GABRA3: variants seen among roughly 807,000 people sequenced by gnomAD.
GABRA3 encodes gamma-aminobutyric acid type A receptor subunit alpha3, also known as gamma-aminobutyric acid receptor subunit alpha-3.
A neutral mutation model predicts 30.1 loss-of-function variants in GABRA3; 10 were observed. The ratio of observed to expected loss-of-function variants is 0.33; its 90% CI spans 0.20 to 0.56. The LOEUF (loss-of-function observed/expected upper bound fraction) is 0.56. Ranked by LOEUF, GABRA3 falls within the 20% of genes least tolerant of loss-of-function variation. The probability of loss-of-function intolerance (pLI) is 0.89; values close to 1 mark genes in which losing one functional copy is unlikely to be tolerated. For missense variants in GABRA3, 233 were observed against 392.0 expected, an observed-to-expected ratio of 0.59 and a Z score of 3.42; for synonymous variants, 151 against 146.8, an observed-to-expected ratio of 1.03 and a Z score of -0.21.
chrX:152,304,548 T>C (rs1237238623), intron 3 of GABRA3, among the ~76,000 whole-genome samples: 2 of 112,094 alleles, frequency 1.8e-5, no homozygotes, highest in African/African-American at 3.2e-5. Context: ...ATTTATTGAA[T>C]AGGGTGTCCT....
chrX:152,254,631 T>C (rs776908404), intron 5 of GABRA3, among the ~76,000 whole-genome samples: 164 of 111,618 alleles, frequency 1.5e-3, no homozygotes, highest in African/African-American at 5.1e-3. Context: ...CCTTTTTTCC[T>C]TGACCATCTC....
chrX:152,438,595 G>A (rs1930837339), intron 1 of GABRA3, among the ~76,000 whole-genome samples: 1 of 112,014 alleles, frequency 8.9e-6, no homozygotes, highest in African/African-American at 3.2e-5. Context: ...AACAAACTGT[G>A]GTACAGCCTA....
chrX:152,191,241 T>C (rs1196414214), intron 8 of GABRA3, among the ~76,000 whole-genome samples: 1 of 110,829 alleles, frequency 9.0e-6, no homozygotes, highest in Non-Finnish European at 1.9e-5. Flanking sequence ...GTATAATCAA[T>C]GTTAACAACA....
chrX:152,235,556 C>T (rs191305816), intron 5 of GABRA3, among the ~76,000 whole-genome samples: 34 of 94,097 alleles, frequency 3.6e-4, no homozygotes, highest in African/African-American at 1.2e-3. Context: ...ACAGAATCAA[C>T]GGGAAAAATT....
chrX:152,193,065 G>A (rs1362862363), intron 8 of GABRA3, among the ~76,000 whole-genome samples: 3 of 111,308 alleles, frequency 2.7e-5, no homozygotes, highest in Admixed American at 9.6e-5. Flanking sequence ...GACCATTACC[G>A]GATCACAGTG....
At chrX:152,353,715 G>A (rs1329334655) in intron 2 of GABRA3, among the ~76,000 whole-genome samples, 1 of 111,640 alleles carries the variant, frequency 9.0e-6, no homozygotes, top group Non-Finnish European at 1.9e-5. Flanking sequence ...GCAATGAGCT[G>A]GCCATCAGCT....
chrX:152,393,700 A>G (rs1929561232), intron 1 of GABRA3, among the ~76,000 whole-genome samples: 1 of 111,962 alleles, frequency 8.9e-6, no homozygotes, highest in African/African-American at 3.2e-5. Context: ...ATGGTGCATG[A>G]GCAACTAACA....
chrX:152,308,795 G>T (rs1939757409), intron 3 of GABRA3, among the ~76,000 whole-genome samples: 1 of 112,047 alleles, frequency 8.9e-6, no homozygotes, highest in South Asian at 3.7e-4. Flanking sequence ...TTCCTAACCA[G>T]GCTGAAATGG....
At chrX:152,397,194 A>G (rs1398962741) in intron 1 of GABRA3, among the ~76,000 whole-genome samples, 1 of 111,872 alleles carries the variant, frequency 8.9e-6, no homozygotes, top group Non-Finnish European at 1.9e-5. Flanking sequence ...TGGCTTCTAT[A>G]AGAGACGGCT....
At chrX:152,329,895 T>C (rs978682905) in intron 3 of GABRA3, among the ~76,000 whole-genome samples, 2 of 111,480 alleles carry the variant, frequency 1.8e-5, no homozygotes, top group Non-Finnish European at 3.8e-5. Context: ...GTAACTACCA[T>C]CAGAGTGAAC....
At chrX:152,196,670 G>A (rs1409328794) in intron 8 of GABRA3, among the ~76,000 whole-genome samples, 1 of 111,562 alleles carries the variant, frequency 9.0e-6, no homozygotes, top group Non-Finnish European at 1.9e-5. Flanking sequence ...GACAGTTTCT[G>A]TCTGCATCTC....
intron 4 of GABRA3, among the ~76,000 whole-genome samples, chrX:152,265,975 T>C (rs1308963228): frequency 9.0e-6 from 1 of 111,054 alleles, no homozygotes; most frequent in Non-Finnish European, 1.9e-5. Flanking sequence ...ACAGGTAATG[T>C]GATCAAAGCC....
intron 3 of GABRA3, among the ~76,000 whole-genome samples, chrX:152,287,037 T>C (rs1175819689): frequency 9.0e-6 from 1 of 111,572 alleles, no homozygotes; most frequent in Middle Eastern, 4.3e-3. Context: ...AGCAAATGCC[T>C]ATATACCTAC....
chrX:152,291,979 T>C (rs936535057), intron 3 of GABRA3, among the ~76,000 whole-genome samples: 1 of 111,556 alleles, frequency 9.0e-6, no homozygotes, highest in African/African-American at 3.3e-5. Flanking sequence ...AAAATTCTCT[T>C]TTTTTTGTTG....
chrX:152,337,925 T>C (rs1056206487), intron 3 of GABRA3, among the ~76,000 whole-genome samples: 1 of 112,681 alleles, frequency 8.9e-6, no homozygotes, highest in African/African-American at 3.2e-5. Flanking sequence ...ATTTTCTTTA[T>C]CCATTCATCT....
chrX:152,385,766 C>T (rs1313906509), intron 1 of GABRA3, among the ~76,000 whole-genome samples: 4 of 110,486 alleles, frequency 3.6e-5, no homozygotes, highest in Non-Finnish European at 5.7e-5. Flanking sequence ...AATTAATTTT[C>T]GTATAAGGTG....
At chrX:152,184,844 G>A (rs1937232553) in intron 9 of GABRA3, among the ~76,000 whole-genome samples, 1 of 111,189 alleles carries the variant, frequency 9.0e-6, no homozygotes, top group African/African-American at 3.3e-5. Context: ...AAAAACATGT[G>A]GTTGATCATC....
intron 1 of GABRA3, among the ~76,000 whole-genome samples, chrX:152,418,749 T>C (rs1040528646): frequency 8.9e-6 from 1 of 111,855 alleles, no homozygotes; most frequent in Non-Finnish European, 1.9e-5. Context: ...CTCAGGGATC[T>C]AGAGCTAGAA....
intron 5 of GABRA3, among the ~76,000 whole-genome samples, chrX:152,246,661 A>G (rs771718283): frequency 9.0e-6 from 1 of 111,547 alleles, no homozygotes; most frequent in Non-Finnish European, 1.9e-5. Flanking sequence ...TTTGGGATTG[A>G]CTGAGGACTT....
Sources: gnomAD v4.1 joint callset for allele counts (sites outside exome capture counted in the v4.1 genomes callset) on GRCh38, gnomAD v4.1.1 for gene constraint, MANE v1.5 for transcripts, NCBI Gene and HGNC (gene_info 2026-07-23, HGNC 2026-07-21) for gene names.